Variants in RIT2 observed in about 807,000 individuals in gnomAD.
RIT2 encodes Ras like without CAAX 2, also known as GTP-binding protein Rit2.
In RIT2, 24 loss-of-function variants were observed where a neutral mutation model predicts 23.7. The observed-to-expected ratio is 1.01, with a 90% CI of 0.73 to 1.43. RIT2 has a LOEUF of 1.43. Ranked by LOEUF, RIT2 falls within the 40% of genes most tolerant of loss-of-function variation. The pLI is 0.00. For missense variants in RIT2, 236 were observed against 266.9 expected (o/e 0.88, Z 0.81); for synonymous variants, 107 against 91.1 (o/e 1.17, Z -0.99).
intron 3 of RIT2, among the ~76,000 whole-genome samples, chr18:42,939,415 G>A (rs541704272): frequency 6.6e-6 from 1 of 152,238 alleles, no homozygotes; most frequent in South Asian, 2.1e-4. Context: ...GGCATAGTAA[G>A]AACCAATATA....
intron 4 of RIT2, among the ~76,000 whole-genome samples, chr18:42,906,548 C>G (rs1908627231): frequency 6.6e-6 from 1 of 152,024 alleles, no homozygotes; most frequent in Non-Finnish European, 1.5e-5. Context: ...GCATGATACA[C>G]TTAAGACACT....
chr18:42,978,704 C>G (rs959343921), intron 2 of RIT2, among the ~76,000 whole-genome samples: 2 of 152,098 alleles, frequency 1.3e-5, no homozygotes, highest in African/African-American at 4.8e-5. Context: ...AAATTTATCT[C>G]AAAGTACTAA....
At chr18:42,885,502 CGT>C (rs1254634341) in intron 4 of RIT2, among the ~76,000 whole-genome samples, 1 of 152,112 alleles carries the variant, frequency 6.6e-6, no homozygotes, top group East Asian at 1.9e-4. Context: ...AGGAGAATGG[CGT>C]GAACCTGGGA....
chr18:43,043,611 A>G (rs1242015147), intron 1 of RIT2, among the ~76,000 whole-genome samples: 1 of 151,746 alleles, frequency 6.6e-6, no homozygotes, highest in African/African-American at 2.4e-5. Context: ...ACCAACATGG[A>G]GAAACCCCGT....
intron 2 of RIT2, among the ~76,000 whole-genome samples, chr18:42,974,448 A>C (rs1910434777): frequency 6.6e-6 from 1 of 152,028 alleles, no homozygotes; most frequent in Non-Finnish European, 1.5e-5. Flanking sequence ...CTAACAATGC[A>C]GGGCAAAATT....
intron 3 of RIT2, among the ~76,000 whole-genome samples, chr18:42,930,629 A>T (rs1276217510): frequency 2.0e-5 from 3 of 152,078 alleles, no homozygotes; most frequent in African/African-American, 7.2e-5. Context: ...AGATCAGCTG[A>T]TTGAGAAAAT....
intron 1 of RIT2, among the ~76,000 whole-genome samples, chr18:43,052,150 G>A (rs978604966): frequency 3.3e-5 from 5 of 152,036 alleles, no homozygotes; most frequent in South Asian, 4.1e-4. Context: ...AATAAATAAC[G>A]ACAACTTATT....
rs529597933 is a variant in RIT2, at chr18:42,905,862, C to G, written c.426+17710G>C. Among the ~76,000 whole-genome samples the G allele has an allele frequency of 1.9e-3, 292 of 150,046 alleles. 3 individuals are homozygous for G. The highest frequency in any genetic ancestry group is 6.9e-3 in the African/African-American group (279 of 40,694). On this transcript the variant is annotated intron_variant, in intron 4 of 4. Coordinates refer to ENST00000326695, the MANE Select transcript of RIT2 (RefSeq NM_002930.4). Reference sequence around the variant, plus strand: ...AAAACTGATGAGATAAAACAGAGTCCAGGTAGGTGGCTGGCTTTAGCAGAA... The same window carrying G: ...AAAACTGATGAGATAAAACAGAGTCGAGGTAGGTGGCTGGCTTTAGCAGAA...
chr18:42,743,680 T>C lies in RIT2; in HGVS notation c.467A>G (p.Asn156Ser). 6.2e-7 allele frequency: 1 copy of C among 1,613,880 alleles called. No homozygotes were observed. Residue 156 changes from asparagine to serine, a missense_variant, in exon 5 of 5, where the codon AAT (asparagine) becomes AGT (serine). Asn to Ser is a conservative substitution (Grantham distance 46). Transcript: ENST00000326695. ...EEGLSLAQEY[N>S]CGFFETSAAL... The stretch of plus-strand genomic sequence containing the variant: ...TGCAGAGGTCTCAAAAAAACCACAA[T>C]TATATTCTTGGGCAAGACTCAAGCC...
chr18:42,823,782 T>C (rs1421815325), intron 4 of RIT2, among the ~76,000 whole-genome samples: 1 of 152,154 alleles, frequency 6.6e-6, no homozygotes, highest in Non-Finnish European at 1.5e-5. Flanking sequence ...TAGATATACA[T>C]ATTTAATGCA....
chr18:42,925,055 T>C (rs962017312), intron 3 of RIT2, among the ~76,000 whole-genome samples: 55 of 152,068 alleles, frequency 3.6e-4, no homozygotes, highest in African/African-American at 1.3e-3. Context: ...AAGAGACTTG[T>C]CCAAAGACCA....
chr18:42,773,517 T>C (rs559299646), intron 4 of RIT2, among the ~76,000 whole-genome samples: 4 of 152,204 alleles, frequency 2.6e-5, no homozygotes, highest in Non-Finnish European at 5.9e-5. Context: ...ACCAGATGAC[T>C]GAAATATGCC....
At chr18:42,926,519 A>C (rs766679559) in intron 3 of RIT2, among the ~76,000 whole-genome samples, 4 of 152,012 alleles carry the variant, frequency 2.6e-5, no homozygotes, top group Non-Finnish European at 5.9e-5. Context: ...AAAGCATTTG[A>C]CTACTTCAAC....
At chr18:42,758,795 C>T (rs1281387934) in intron 4 of RIT2, among the ~76,000 whole-genome samples, 1 of 151,862 alleles carries the variant, frequency 6.6e-6, no homozygotes, top group Non-Finnish European at 1.5e-5. Flanking sequence ...GGATTACAGG[C>T]ATGAGCCACC....
chr18:43,111,675 T>C (rs1292862696), intron 1 of RIT2, among the ~76,000 whole-genome samples: 1 of 152,212 alleles, frequency 6.6e-6, no homozygotes, highest in African/African-American at 2.4e-5. Flanking sequence ...CCTCATCCTA[T>C]ACATTAGATC....
chr18:42,770,035 C>A (rs1020178877), intron 4 of RIT2, among the ~76,000 whole-genome samples: 3 of 150,840 alleles, frequency 2.0e-5, no homozygotes, highest in Admixed American at 1.3e-4. Context: ...TTTTTTGCAG[C>A]CTAGGCCGGG....
At chr18:42,954,936 T>G (rs1909938109) in intron 3 of RIT2, among the ~76,000 whole-genome samples, 1 of 152,182 alleles carries the variant, frequency 6.6e-6, no homozygotes, top group Admixed American at 6.6e-5. Context: ...GGCTGTATGT[T>G]TGCTTAACAA....
At chr18:42,747,163 T>G (rs1414346800) in intron 4 of RIT2, among the ~76,000 whole-genome samples, 1 of 151,818 alleles carries the variant, frequency 6.6e-6, no homozygotes, top group Non-Finnish European at 1.5e-5. Context: ...CTAAAGACTC[T>G]TCCAAAAAGC....
chr18:42,953,654 T>C (rs762354899), intron 3 of RIT2, among the ~76,000 whole-genome samples: 4 of 152,212 alleles, frequency 2.6e-5, no homozygotes, highest in Non-Finnish European at 5.9e-5. Context: ...AGGGTCTTGT[T>C]ATCCTCATAA....
Sources: gnomAD v4.1 joint callset for allele counts (sites outside exome capture counted in the v4.1 genomes callset) on GRCh38, gnomAD v4.1.1 for gene constraint, MANE v1.5 for transcripts, NCBI Gene and HGNC (gene_info 2026-07-23, HGNC 2026-07-21) for gene names.